Variants in THUMPD3 observed in about 807,000 individuals in gnomAD.
THUMPD3 encodes tRNA (guanine(6)-N(2))-methyltransferase THUMP3.
THUMPD3 carries 44 observed loss-of-function variants against 54.5 expected under a neutral mutation model. The observed-to-expected ratio is 0.81, with a 90% CI of 0.63 to 1.04. The LOEUF (loss-of-function observed/expected upper bound fraction) is 1.04, where lower values mean the gene tolerates loss of function less well. Ranked by LOEUF, THUMPD3 falls within the 50% of genes least tolerant of loss-of-function variation. THUMPD3 has a pLI of 0.00. For synonymous variants in THUMPD3, 196 were observed against 201.4 expected (o/e 0.97, Z 0.23); for missense variants, 604 against 601.3 (o/e 1.00, Z -0.05).
chr3:9,379,877 G>C (rs2032745690), intron 6 of THUMPD3, among the ~76,000 whole-genome samples: 1 of 152,080 alleles, frequency 6.6e-6, no homozygotes, highest in African/African-American at 2.4e-5. Flanking sequence ...TTTTTGTAGA[G>C]ATGGGCTTTC....
rs1322006792 is a variant in THUMPD3, at chr3:9,383,286, A to G, written c.1212A>G (p.Val404=). Residue 404 remains valine (V), a synonymous_variant, in exon 8 of 10, where the codon GTA becomes GTG. Coordinates refer to ENST00000452837, the MANE Select transcript of THUMPD3 (RefSeq NM_001114092.2). ...PLRTGSVDII[V]TDLPFGKRMG... is the part of the protein sequence containing the mutation. ...GAACTGGCTCTGTGGATATTATTGT[A>G]ACAGATTTGCCATTTGGAAAAAGGT... 2 of 1,613,582 alleles carry G rather than the reference A, an allele frequency of 1.2e-6. No homozygotes were observed. The highest frequency in any genetic ancestry group is 2.2e-5 in the South Asian group (2 of 91,084).
intron 7 of THUMPD3, 36 bp downstream of exon 7, chr3:9,380,654 G>A (rs527732590): frequency 7.1e-7 from 1 of 1,405,160 alleles, no homozygotes; most frequent in African/African-American, 1.5e-5. Context: ...ATCTTTTAGA[G>A]TTAGAGAATC....
chr3:9,379,386 A>G (rs1197927104), intron 6 of THUMPD3, among the ~76,000 whole-genome samples: 5 of 152,178 alleles, frequency 3.3e-5, no homozygotes, highest in Non-Finnish European at 4.4e-5. Context: ...GTGTCTGGGC[A>G]AAAGAAAAAG....
At chr3:9,367,112 T>C (rs2031628181) in intron 3 of THUMPD3, 127 bp downstream of exon 3, 1 of 649,402 alleles carries the variant, frequency 1.5e-6, no homozygotes, top group African/African-American at 1.9e-5. Flanking sequence ...TGGGAGGCTT[T>C]TACAGTAAAA....
At position 9,371,486 on chromosome 3, in the gene THUMPD3, G is replaced by T. The variant is rs557534502; in HGVS notation, c.757G>T (p.Val253Phe). 1 of 1,614,082 alleles carries T rather than the reference G, an allele frequency of 6.2e-7. No individual in the cohort carries two copies. The highest frequency in any genetic ancestry group is 2.2e-5 in the East Asian group (1 of 44,880). ...NEAARDFGGA[V>F]QDYFKWKADM... ...GGCTGCAAGAGATTTTGGGGGTGCT[G>T]TTCAAGATTATTTTAAGTGGAAGGC... The change falls in exon 4 of 10, where the codon GTT (valine) becomes TTT (phenylalanine). Residue 253 changes from valine (V) to phenylalanine (F), a missense_variant. Coordinates refer to ENST00000452837, the MANE Select transcript of THUMPD3 (RefSeq NM_001114092.2).
chr3:9,382,396 CATCTAT>C (rs1161778703), intron 7 of THUMPD3, among the ~76,000 whole-genome samples: 1 of 151,980 alleles, frequency 6.6e-6, no homozygotes, highest in African/African-American at 2.4e-5. Context: ...TGTCTTCTGT[CATCTAT>C]ATTTTTTATC....
intron 7 of THUMPD3, chr3:9,382,992 GTGC>G: frequency 2.3e-6 from 1 of 437,626 alleles, no homozygotes; most frequent in Non-Finnish European, 4.2e-6. Context: ...GCCCCTGAAA[GTGC>G]TGATTATAGG....
Position 9,371,056 on chromosome 3 carries a change from A to T in THUMPD3, c.331-4A>T. The T allele has an allele frequency of 6.5e-7, 1 of 1,548,440 alleles. No homozygotes were observed. Among genetic ancestry groups the T allele is most frequent in the Non-Finnish European group, 8.7e-7 (1 of 1,153,468 alleles). ...GAATGAATTTCTTTCTCTGTCCTTT[A>T]CAGGAAGAAGTTCTAAAGGATTTTG... On this transcript the variant is annotated splice_region_variant and splice_polypyrimidine_tract_variant and intron_variant, in intron 3 of 9. Transcript: ENST00000452837.
At chr3:9,376,879 T>C (rs1040385514) in intron 5 of THUMPD3, among the ~76,000 whole-genome samples, 1 of 152,178 alleles carries the variant, frequency 6.6e-6, no homozygotes, top group Non-Finnish European at 1.5e-5. Context: ...AGCTTACCTT[T>C]AAAATGAGAA....
At chr3:9,372,130 C>A (rs2032095935) in intron 4 of THUMPD3, among the ~76,000 whole-genome samples, 1 of 152,160 alleles carries the variant, frequency 6.6e-6, no homozygotes, top group Non-Finnish European at 1.5e-5. Flanking sequence ...TCTTGGCCTC[C>A]CAAAGTGCTG....
rs138175642 is a variant in THUMPD3 at position 9,386,559 on chromosome 3, C to G, written c.*1871C>G. ...CAATAAAAATTTGACAAGACTGATA[C>G]AAATATGTAGTGGGCAATAGTTTGC... is the stretch of plus-strand genomic sequence containing the variant. On this transcript the variant is annotated 3_prime_UTR_variant, in exon 10 of 10. Transcript: ENST00000452837. The G allele has an allele frequency of 3.3e-5, 5 of 152,068 alleles. No individual in the cohort carries two copies. Among genetic ancestry groups the G allele is most frequent in the African/African-American group, 1.2e-4 (5 of 41,374 alleles). 9.4% of individuals were successfully genotyped at this position (152,068 alleles called of 1,614,324 possible). A position where few individuals can be genotyped will look rare whatever the true frequency, so the allele number is the denominator to read the frequency against.
chr3:9,368,360 A>ATTTTTTTTT (rs764732133), intron 3 of THUMPD3, among the ~76,000 whole-genome samples: 5 of 116,948 alleles, frequency 4.3e-5, no homozygotes, highest in Non-Finnish European at 8.6e-5. Flanking sequence ...ACCCGCGCAT[A>ATTTTTTTTT]TTTTTTTTTT....
In THUMPD3 at chr3:9,378,845, T is replaced by A. The variant is rs567635497; in HGVS notation, c.1008+957T>A. Reference sequence around the variant, plus strand: ...AGTCCTTCTTGTGGCCAAGAAGGATTCTGGGAAGAAAGCAGAGTGTTGTTT... The same window carrying A: ...AGTCCTTCTTGTGGCCAAGAAGGATACTGGGAAGAAAGCAGAGTGTTGTTT... On this transcript the variant is annotated intron_variant, in intron 6 of 9. Transcript: ENST00000452837. 8.5e-5 allele frequency among the ~76,000 whole-genome samples: 13 copies of A among 152,242 alleles called. No homozygotes were observed. In the South Asian group the frequency reaches 2.7e-3, roughly 32 times the overall value.
At chr3:9,378,861 A>T (rs1364117475) in intron 6 of THUMPD3, among the ~76,000 whole-genome samples, 2 of 152,146 alleles carry the variant, frequency 1.3e-5, no homozygotes, top group African/African-American at 4.8e-5. Flanking sequence ...AAGAAAGCAG[A>T]GTGTTGTTTT....
chr3:9,374,406 C>A, intron 4 of THUMPD3, 110 bp from the exon 5 acceptor site: 2 of 1,351,844 alleles, frequency 1.5e-6, no homozygotes, highest in Admixed American at 2.1e-5. Context: ...GAGTAGGGGA[C>A]CAACAGGTTG....
Position 9,384,504 on chromosome 3 carries a change from T to A in THUMPD3, c.1360-20T>A, listed in dbSNP as rs1440985582. 1.3e-6 allele frequency: 2 copies of A among 1,593,124 alleles called. No homozygotes were observed. The highest frequency in any genetic ancestry group is 1.7e-6 in the Non-Finnish European group (2 of 1,174,238). On this transcript the variant is annotated intron_variant, in intron 9 of 9. Transcript: ENST00000452837. Reference sequence around the variant, plus strand: ...AAGTAGATTGTCAACCTAATTGTTATTTTTTTTGTGTGTACACAGGCGTTA... The same window carrying A: ...AAGTAGATTGTCAACCTAATTGTTAATTTTTTTGTGTGTACACAGGCGTTA...
intron 9 of THUMPD3, 21 bp from the exon 10 acceptor site, chr3:9,384,502 TA>T: frequency 6.2e-7 from 1 of 1,611,884 alleles, no homozygotes; most frequent in Non-Finnish European, 8.5e-7. Context: ...ACCTAATTGT[TA>T]TTTTTTTTGT....
chr3:9,370,706 A>G (rs980852554), intron 3 of THUMPD3, among the ~76,000 whole-genome samples: 4 of 152,196 alleles, frequency 2.6e-5, no homozygotes, highest in African/African-American at 7.2e-5. Context: ...TCAGCTTCCT[A>G]AAGTGCTGGG....
intron 5 of THUMPD3, among the ~76,000 whole-genome samples, chr3:9,375,444 T>C (rs2032390045): frequency 6.6e-6 from 1 of 152,248 alleles, no homozygotes; most frequent in African/African-American, 2.4e-5. Context: ...TCCTTTGCCC[T>C]TCTCTCTTTT....
Sources: allele counts gnomAD v4.1 joint callset (sites outside exome capture counted in the v4.1 genomes callset), GRCh38; gene constraint gnomAD v4.1.1; transcripts MANE v1.5; gene names NCBI Gene and HGNC (gene_info 2026-07-23, HGNC 2026-07-21).